Variants in KIF26B observed in about 807,000 individuals in gnomAD.
KIF26B encodes the protein kinesin-like protein KIF26B.
Under a neutral mutation model 151.2 loss-of-function variants are expected in KIF26B, and 63 were observed. The observed-to-expected ratio is 0.42, with a 90% CI of 0.34 to 0.51. The LOEUF (loss-of-function observed/expected upper bound fraction) is 0.51, where lower values mean the gene tolerates loss of function less well. Among genes scored for constraint, KIF26B ranks in the 20% least tolerant of loss-of-function variants. The probability of loss-of-function intolerance (pLI) is 0.07; values close to 1 mark genes in which losing one functional copy is unlikely to be tolerated. For synonymous variants in KIF26B, 1,357 were observed against 1,262.1 expected (o/e 1.08, Z -1.59); for missense variants, 2,813 against 2,913.6 (o/e 0.97, Z 0.79).
At chr1:245,490,388 T>C (rs1271661135) in intron 4 of KIF26B, among the ~76,000 whole-genome samples, 2 of 145,036 alleles carry the variant, frequency 1.4e-5, no homozygotes, top group East Asian at 4.1e-4. Flanking sequence ...CTCGGCTCAC[T>C]GCAACCTCCG....
chr1:245,184,050 G>GTTTTGTTTTTTTTTTTTTTT (rs1553332273), intron 2 of KIF26B, among the ~76,000 whole-genome samples: 4 of 19,804 alleles, frequency 2.0e-4, no homozygotes, highest in Admixed American at 1.0e-3. Context: ...GGGAGTTGTT[G>GTTTTGTTTTTTTTTTTTTTT]TTTTTTTTTT....
In KIF26B at chr1:245,352,268, T is replaced by C. The variant is rs1672583455; in HGVS notation, c.466-14566T>C. ...TCCAGTTTTTTGTTTGTTTGTTTGT[T>C]TGTGTTCCTTTTTGAGACAGAGTCT... On this transcript the variant is annotated intron_variant, in intron 2 of 14. Transcript: ENST00000407071. The surrounding 1 kb of genome is among the most constrained non-coding windows in gnomAD (Gnocchi z 5.0). 6.6e-6 allele frequency among the ~76,000 whole-genome samples: 1 copy of C among 152,208 alleles called. No homozygotes were observed. The highest frequency in any genetic ancestry group is 2.1e-4 in the South Asian group (1 of 4,826).
intron 3 of KIF26B, among the ~76,000 whole-genome samples, chr1:245,399,087 A>C (rs367805454): frequency 1.3e-5 from 2 of 152,150 alleles, no homozygotes; most frequent in East Asian, 3.8e-4. Context: ...AGTTGACCTG[A>C]TAATGTCCTT....
intron 9 of KIF26B, among the ~76,000 whole-genome samples, chr1:245,627,520 C>T (rs776724907): frequency 6.6e-5 from 10 of 152,108 alleles, no homozygotes; most frequent in South Asian, 4.1e-4. Flanking sequence ...TAAACGCCCA[C>T]ATCAGAGAGC....
intron 5 of KIF26B, among the ~76,000 whole-genome samples, chr1:245,567,607 G>A (rs1432010159): frequency 6.6e-6 from 1 of 152,112 alleles, no homozygotes; most frequent in Non-Finnish European, 1.5e-5. Flanking sequence ...AGGAATACAG[G>A]CCTTACAGAG....
chr1:245,536,104 A>G lies in KIF26B; in HGVS notation c.1167-4663A>G, dbSNP rs568226777. Among the ~76,000 whole-genome samples, 12 of 152,260 alleles carry G rather than the reference A, an allele frequency of 7.9e-5. No individual in the cohort carries two copies. The South Asian group carries it at 2.5e-3, about 32-fold the overall frequency. On this transcript the variant is annotated intron_variant, in intron 4 of 14. Coordinates refer to ENST00000407071, the MANE Select transcript of KIF26B (RefSeq NM_018012.4). ...TAGCATCTAGGAAGCTGGATGTTCAAACTAAGTCAGAAAGGCCTCAGGATT... is the reference window on the plus strand; with the variant it reads ...TAGCATCTAGGAAGCTGGATGTTCAGACTAAGTCAGAAAGGCCTCAGGATT...
At chr1:245,421,887 G>A (rs1658495333) in intron 4 of KIF26B, among the ~76,000 whole-genome samples, 1 of 152,086 alleles carries the variant, frequency 6.6e-6, no homozygotes, top group Admixed American at 6.5e-5. Context: ...GGATATCAGA[G>A]GAGGATTTAC....
chr1:245,362,966 G>A (rs1330476825), intron 2 of KIF26B, among the ~76,000 whole-genome samples: 1 of 152,184 alleles, frequency 6.6e-6, no homozygotes, highest in Admixed American at 6.5e-5. Flanking sequence ...TGGGCCCATC[G>A]CTGCTCCCGT....
intron 3 of KIF26B, chr1:245,371,767 A>G (rs1173843): frequency 0.63 from 96,264 of 151,986 alleles, 31,589 homozygotes; most frequent in African/African-American, 0.79. Context: ...AAGTACCTCC[A>G]GAAAGACCAG....
intron 10 of KIF26B, among the ~76,000 whole-genome samples, chr1:245,676,995 TGCCTCA>T (rs1379420808): frequency 2.6e-5 from 4 of 152,248 alleles, no homozygotes; most frequent in Non-Finnish European, 5.9e-5. Context: ...CGCATTATCC[TGCCTCA>T]GAGGCATCTC....
At chr1:245,190,539 A>C (rs1445327773) in intron 2 of KIF26B, among the ~76,000 whole-genome samples, 1 of 151,906 alleles carries the variant, frequency 6.6e-6, no homozygotes, top group East Asian at 1.9e-4. Flanking sequence ...ACCTTCTGCC[A>C]ACTTTGAGAA....
chr1:245,167,403 A>G lies in KIF26B; in HGVS notation c.465+10720A>G, dbSNP rs578024186. 6.6e-5 allele frequency among the ~76,000 whole-genome samples: 10 copies of G among 152,250 alleles called. No homozygotes were observed. The South Asian group carries it at 2.1e-3, about 32-fold the overall frequency. On this transcript the variant is annotated intron_variant, in intron 2 of 14. Coordinates refer to ENST00000407071, the MANE Select transcript of KIF26B (RefSeq NM_018012.4). This position sits in a 1 kb window ranked among gnomAD's most constrained non-coding sequence, Gnocchi z 4.2. ...AGTGTAATTTTGTCTTTGAGTTGGCAGTGATGAGCAGCTACACTTCCCCAT... is the reference window on the plus strand; with the variant it reads ...AGTGTAATTTTGTCTTTGAGTTGGCGGTGATGAGCAGCTACACTTCCCCAT...
Position 245,688,710 on chromosome 1 carries a change from C to T in KIF26B, c.5727C>T (p.Gly1909=). Reference sequence around the variant, plus strand: ...TGATGCGGGACAGCGAGGCCACCGGCAGCGCGTCCTCGGCGCAGGACTCCA... The same window carrying T: ...TGATGCGGGACAGCGAGGCCACCGGTAGCGCGTCCTCGGCGCAGGACTCCA... ...ESVMRDSEAT[G]SASSAQDSTS... The change falls in exon 12 of 15, where the codon GGC becomes GGT. Residue 1909 remains glycine, a synonymous_variant. Coordinates refer to ENST00000407071, the MANE Select transcript of KIF26B (RefSeq NM_018012.4). 1 of 1,607,988 alleles carries T rather than the reference C, an allele frequency of 6.2e-7. No individual in the cohort carries two copies. Among genetic ancestry groups the T allele is most frequent in the Non-Finnish European group, 8.5e-7 (1 of 1,178,032 alleles).
At chr1:245,541,654 C>A (rs751873720) in intron 5 of KIF26B, among the ~76,000 whole-genome samples, 1 of 152,154 alleles carries the variant, frequency 6.6e-6, no homozygotes, top group Non-Finnish European at 1.5e-5. Flanking sequence ...AAAGACGTGG[C>A]GGTTTAATTT....
chr1:245,690,568 CAAAG>C (rs1030173484), intron 12 of KIF26B, among the ~76,000 whole-genome samples: 7 of 152,186 alleles, frequency 4.6e-5, no homozygotes, highest in African/African-American at 1.7e-4. Context: ...TTCCTAGAAT[CAAAG>C]AAATCCACCT....
chr1:245,620,572 T>C (rs984926053), intron 9 of KIF26B, among the ~76,000 whole-genome samples: 1 of 152,088 alleles, frequency 6.6e-6, no homozygotes, highest in Non-Finnish European at 1.5e-5. Context: ...GCTAATAGTT[T>C]ATATTTTTTT....
chr1:245,334,967 G>A (rs922347448), intron 2 of KIF26B, among the ~76,000 whole-genome samples: 1 of 152,212 alleles, frequency 6.6e-6, no homozygotes, highest in African/African-American at 2.4e-5. Flanking sequence ...ATGACCTTAA[G>A]TTGGGCGAGA....
intron 2 of KIF26B, among the ~76,000 whole-genome samples, chr1:245,289,384 G>A (rs1040172387): frequency 2.0e-5 from 3 of 152,256 alleles, no homozygotes; most frequent in African/African-American, 7.2e-5. Context: ...TTTCGACTCG[G>A]CAAGTGTATG....
At chr1:245,531,433 C>T (rs1193606088) in intron 4 of KIF26B, among the ~76,000 whole-genome samples, 1 of 151,748 alleles carries the variant, frequency 6.6e-6, no homozygotes. Flanking sequence ...TTTTTCAACC[C>T]GTAATGTGTG....
Sources: gnomAD v4.1 joint callset for allele counts (sites outside exome capture counted in the v4.1 genomes callset) on GRCh38, gnomAD v4.1.1 for gene constraint, Gnocchi (gnomAD v3.1) non-coding constraint, MANE v1.5 for transcripts, NCBI Gene and HGNC (gene_info 2026-07-23, HGNC 2026-07-21) for gene names.